NRXN3: variants seen among roughly 807,000 people sequenced by gnomAD.
NRXN3 encodes neurexin 3.
A neutral mutation model predicts 137.6 loss-of-function variants in NRXN3; 32 were observed. The ratio of observed to expected loss-of-function variants is 0.23; its 90% CI spans 0.18 to 0.31. NRXN3 has a LOEUF of 0.31. Among genes scored for constraint, NRXN3 ranks in the 10% least tolerant of loss-of-function variants. The pLI, the probability that NRXN3 is intolerant of heterozygous loss-of-function variation, is 1.00. For synonymous variants in NRXN3, 798 were observed against 784.5 expected (o/e 1.02, Z -0.29); for missense variants, 1,574 against 2,062.5 (o/e 0.76, Z 4.59).
chr14:78,613,093 G>A (rs554510215), intron 4 of NRXN3, among the ~76,000 whole-genome samples: 29 of 152,118 alleles, frequency 1.9e-4, no homozygotes, highest in Non-Finnish European at 3.8e-4. Context: ...CTTGACCAAA[G>A]GCCTGCCTTG....
rs1483007964 is a variant in NRXN3, at chr14:79,866,984, G to C, written c.*5020G>C. On this transcript the variant is annotated 3_prime_UTR_variant, in exon 21 of 21. Coordinates refer to ENST00000335750, the MANE Select transcript of NRXN3 (RefSeq NM_001330195.2). ...TGAAAAGATCTCTAAATATCAGTAA[G>C]GGGTTAGCTGCCATTAATAATACAA... is the stretch of plus-strand genomic sequence containing the variant. The C allele has an allele frequency of 6.6e-6, 1 of 152,168 alleles. No homozygotes were observed. Among genetic ancestry groups the C allele is most frequent in the African/African-American group, 2.4e-5 (1 of 41,436 alleles). The allele number at this position is 152,168 out of a possible 1,614,324, so 9.4% of individuals were successfully genotyped here.
chr14:78,988,187 G>A (rs200268883), intron 15 of NRXN3, 46 bp downstream of exon 15: 8 of 1,609,324 alleles, frequency 5.0e-6, no homozygotes, highest in African/African-American at 2.7e-5. Context: ...AAGATGTTTG[G>A]AGATTTGGAG....
chr14:79,621,203 A>C (rs2098220180), intron 16 of NRXN3, among the ~76,000 whole-genome samples: 1 of 152,230 alleles, frequency 6.6e-6, no homozygotes, highest in Admixed American at 6.5e-5. Flanking sequence ...TAGGTAAAAG[A>C]AAAGGCTAGC....
intron 15 of NRXN3, among the ~76,000 whole-genome samples, chr14:79,379,954 G>A (rs891115556): frequency 5.3e-5 from 8 of 151,670 alleles, no homozygotes; most frequent in Non-Finnish European, 1.2e-4. Context: ...CCAGTGTATA[G>A]GTGGGAATCC....
At chr14:78,312,708 C>T (rs537961669) in intron 4 of NRXN3, among the ~76,000 whole-genome samples, 67 of 151,968 alleles carry the variant, frequency 4.4e-4, no homozygotes, top group African/African-American at 1.5e-3. Context: ...AGTGCCCGTC[C>T]GTGAGGCAGC....
At chr14:79,412,302 C>G (rs1436466943) in intron 15 of NRXN3, among the ~76,000 whole-genome samples, 1 of 152,020 alleles carries the variant, frequency 6.6e-6, no homozygotes, top group South Asian at 2.1e-4. Context: ...GTTTTATTTA[C>G]AAATACTTAT....
intron 15 of NRXN3, among the ~76,000 whole-genome samples, chr14:79,086,919 G>A (rs754681811): frequency 6.6e-6 from 1 of 152,182 alleles, no homozygotes; most frequent in Non-Finnish European, 1.5e-5. Context: ...AAAAGAAGCA[G>A]TTCTTAATTA....
At chr14:79,328,981 G>A (rs2091298326) in intron 15 of NRXN3, among the ~76,000 whole-genome samples, 1 of 152,112 alleles carries the variant, frequency 6.6e-6, no homozygotes, top group African/African-American at 2.4e-5. Flanking sequence ...TTCAGCTGAG[G>A]TGGTTGGTCA....
intron 15 of NRXN3, among the ~76,000 whole-genome samples, chr14:79,288,007 A>T (rs151134544): frequency 0.013 from 2,054 of 152,282 alleles, 22 homozygotes; most frequent in Non-Finnish European, 0.021. Flanking sequence ...GAACTGCATG[A>T]GTCTCTGATT....
chr14:78,974,224 A>T (rs1190781019), intron 14 of NRXN3, among the ~76,000 whole-genome samples: 1 of 152,128 alleles, frequency 6.6e-6, no homozygotes, highest in African/African-American at 2.4e-5. Context: ...TGTAAATGGA[A>T]GAGAGAGAGA....
At chr14:78,357,491 G>A (rs2084494031) in intron 4 of NRXN3, among the ~76,000 whole-genome samples, 1 of 152,108 alleles carries the variant, frequency 6.6e-6, no homozygotes, top group African/African-American at 2.4e-5. Context: ...TGGAGGTCAT[G>A]GTCCCTTTTC....
At chr14:79,748,349 A>G (rs1309397335) in intron 19 of NRXN3, among the ~76,000 whole-genome samples, 1 of 152,090 alleles carries the variant, frequency 6.6e-6, no homozygotes, top group African/African-American at 2.4e-5. Flanking sequence ...TAATAAACAT[A>G]TTTTTATCCA....
intron 3 of NRXN3, among the ~76,000 whole-genome samples, chr14:78,295,746 G>T (rs1412121503): frequency 6.6e-6 from 1 of 152,116 alleles, no homozygotes; most frequent in Non-Finnish European, 1.5e-5. Flanking sequence ...TCTCCAGGTG[G>T]CCGATGTAGA....
intron 16 of NRXN3, among the ~76,000 whole-genome samples, chr14:79,543,254 T>C (rs562383652): frequency 1.3e-5 from 2 of 152,316 alleles, no homozygotes; most frequent in East Asian, 3.9e-4. Flanking sequence ...ATGTTACTTA[T>C]CTGTTGCAAC....
chr14:79,082,083 T>C (rs867485387), intron 15 of NRXN3, among the ~76,000 whole-genome samples: 20 of 151,664 alleles, frequency 1.3e-4, no homozygotes, highest in Admixed American at 1.3e-4. Flanking sequence ...TATATACATA[T>C]ATACACATAC....
intron 8 of NRXN3, among the ~76,000 whole-genome samples, chr14:78,775,955 A>G (rs1381261726): frequency 6.6e-6 from 1 of 152,096 alleles, no homozygotes; most frequent in Non-Finnish European, 1.5e-5. Context: ...ACTCTGTCCT[A>G]CCCAGGGTAT....
rs561129596 is a variant in NRXN3 at position 78,191,916 on chromosome 14, G to A, written c.-704+21242G>A. Among the ~76,000 whole-genome samples the A allele has an allele frequency of 1.4e-4, 22 of 152,192 alleles. 1 individual carries two copies. The South Asian group carries it at 3.7e-3, about 26-fold the overall frequency. On this transcript the variant is annotated intron_variant, in intron 1 of 20. Transcript: ENST00000335750. ...CTCCTGGGTATCTGGCCCTGGTGAG[G>A]GGGGGAGGGTGGTCTGTTGCACTCA...
At chr14:79,776,635 C>T (rs2099098054) in intron 19 of NRXN3, among the ~76,000 whole-genome samples, 1 of 152,184 alleles carries the variant, frequency 6.6e-6, no homozygotes, top group Non-Finnish European at 1.5e-5. Flanking sequence ...CTCTATAGAA[C>T]TATGCAGTGT....
chr14:78,221,405 A>G (rs1016038886), intron 1 of NRXN3, among the ~76,000 whole-genome samples: 5 of 152,188 alleles, frequency 3.3e-5, no homozygotes, highest in Admixed American at 2.6e-4. Flanking sequence ...ACTGGAGCGG[A>G]GGCACAAAGG....
Sources: gnomAD v4.1 joint callset for allele counts (sites outside exome capture counted in the v4.1 genomes callset) on GRCh38, gnomAD v4.1.1 for gene constraint, MANE v1.5 for transcripts, NCBI Gene and HGNC (gene_info 2026-07-23, HGNC 2026-07-21) for gene names.